Variants in SYNM observed in about 807,000 individuals in gnomAD.
SYNM encodes desmuslin.
SYNM carries 95 observed loss-of-function variants against 104.0 expected under a neutral mutation model. The ratio of observed to expected loss-of-function variants is 0.91; its 90% confidence interval spans 0.77 to 1.08. The LOEUF is 1.08. SYNM is among the 50% of genes least tolerant of loss of function. The probability of loss-of-function intolerance (pLI) is 0.00; values close to 1 mark genes in which losing one functional copy is unlikely to be tolerated. For missense variants in SYNM, 2,150 were observed against 2,052.2 expected (o/e 1.05, Z -0.92); for synonymous variants, 918 against 869.0 (o/e 1.06, Z -0.99).
chr15:99,138,413 A>T (rs1287793844), downstream of SYNM, among the ~76,000 whole-genome samples: 1 of 151,810 alleles, frequency 6.6e-6, no homozygotes, highest in Non-Finnish European at 1.5e-5. Flanking sequence ...TCCCAGGTTC[A>T]AGCAACTCTC....
In SYNM at chr15:99,135,387, A is replaced by C. The variant is rs146414140; in HGVS notation, c.*2329A>C. The C allele has an allele frequency of 1.3e-5, 2 of 152,672 alleles. No individual in the cohort carries two copies. Among genetic ancestry groups the C allele is most frequent in the Admixed American group, 1.3e-4 (2 of 15,290 alleles). 9.5% of individuals were successfully genotyped at this position (152,672 alleles called of 1,614,324 possible). On this transcript the variant is annotated 3_prime_UTR_variant, in exon 4 of 4. Coordinates refer to ENST00000336292, the MANE Select transcript of SYNM (RefSeq NM_145728.3). ...CGTGGTTGGATGGGGCCGGAACACAACCAGTCTTTTTGTATTTATTGTTAC... is the reference window on the plus strand; with the variant it reads ...CGTGGTTGGATGGGGCCGGAACACACCCAGTCTTTTTGTATTTATTGTTAC...
chr15:99,120,962 A>G (rs1291466643), intron 2 of SYNM, among the ~76,000 whole-genome samples: 1 of 152,124 alleles, frequency 6.6e-6, no homozygotes, highest in Non-Finnish European at 1.5e-5. Context: ...CCTAACAGGG[A>G]AAGCTATCCA....
At chr15:99,120,159 C>T (rs1488283644) in intron 2 of SYNM, among the ~76,000 whole-genome samples, 1 of 152,174 alleles carries the variant, frequency 6.6e-6, no homozygotes, top group Non-Finnish European at 1.5e-5. Flanking sequence ...AACTTCAGGC[C>T]TTCACCCAAG....
rs373241257 is a variant in SYNM at position 99,130,157 on chromosome 15, T to G, written c.1797T>G (p.Pro599=). ...AEVSPKGLQT[P]VKDAGGGTGR... Reference sequence around the variant, plus strand: ...TGTCCCCGAAAGGTTTGCAGACGCCTGTGAAGGATGCTGGTGGTGGGACCG... The same window carrying G: ...TGTCCCCGAAAGGTTTGCAGACGCCGGTGAAGGATGCTGGTGGTGGGACCG... The change falls in exon 4 of 4, where the codon CCT becomes CCG. Residue 599 remains proline, a synonymous_variant. Coordinates refer to ENST00000336292, the MANE Select transcript of SYNM (RefSeq NM_145728.3). 6.2e-7 allele frequency: 1 copy of G among 1,613,744 alleles called. No homozygotes were observed.
chr15:99,132,037 G>T lies in SYNM; in HGVS notation c.3677G>T (p.Arg1226Ile), dbSNP rs782690504. 2 of 1,613,994 alleles carry T rather than the reference G, an allele frequency of 1.2e-6. No individual in the cohort carries two copies. Among genetic ancestry groups the T allele is most frequent in the Non-Finnish European group, 1.7e-6 (2 of 1,179,900 alleles). ...GSGRHSTFGC[R>I]QFHAEKEIIF... ...GGGAGGCACAGCACATTTGGCTGCAGACAATTTCATGCTGAAAAGGAGATT... is the reference window on the plus strand; with the variant it reads ...GGGAGGCACAGCACATTTGGCTGCATACAATTTCATGCTGAAAAGGAGATT... The change falls in exon 4 of 4, where the codon AGA becomes ATA. Residue 1226 changes from arginine (R) to isoleucine (I), a missense_variant. By Grantham distance (97) the Arg-to-Ile change is moderately conservative (BLOSUM62 -3). Coordinates refer to ENST00000336292, the MANE Select transcript of SYNM (RefSeq NM_145728.3).
At position 99,132,521 on chromosome 15, in the gene SYNM, C is replaced by T. The variant is rs1189927390; in HGVS notation, c.4161C>T (p.Asp1387=). ...SESPQEDSAE[D]TSGAEMTSGV... ...CTCCCCAGGAGGATAGTGCAGAGGA[C>T]ACATCAGGGGCAGAAATGACATCGG... Residue 1387 remains aspartate, a synonymous_variant, in exon 4 of 4, where the codon GAC becomes GAT. Coordinates refer to ENST00000336292, the MANE Select transcript of SYNM (RefSeq NM_145728.3). The T allele has an allele frequency of 6.2e-7, 1 of 1,613,888 alleles. No individual in the cohort carries two copies. Among genetic ancestry groups the T allele is most frequent in the African/African-American group, 1.3e-5 (1 of 74,914 alleles).
Position 99,133,846 on chromosome 15 carries a change from G to GTTATAGCCTAAGTTCT in SYNM, c.*788_*789insTTATAGCCTAAGTTCT. The GTTATAGCCTAAGTTCT allele has an allele frequency of 6.6e-6, 1 of 152,634 alleles. No homozygotes were observed. Among genetic ancestry groups the GTTATAGCCTAAGTTCT allele is most frequent in the Non-Finnish European group, 1.5e-5 (1 of 68,184 alleles). The allele number at this position is 152,634 out of a possible 1,614,324, so 9.5% of individuals were successfully genotyped here. On this transcript the variant is annotated 3_prime_UTR_variant, in exon 4 of 4. Transcript: ENST00000336292. ...GCACACAGTCTGAATGCCCTTTTCTGGAGTGGCCAGTTCCTATCAGACTGT... is the reference window on the plus strand; with the variant it reads ...GCACACAGTCTGAATGCCCTTTTCTGTTATAGCCTAAGTTCTGAGTGGCCAGTTCCTATCAGACTGT...
intron 1 of SYNM, among the ~76,000 whole-genome samples, chr15:99,106,934 A>C (rs2067250914): frequency 6.6e-6 from 1 of 152,268 alleles, no homozygotes; most frequent in Non-Finnish European, 1.5e-5. Context: ...TGTGAGTTAA[A>C]GATTTGAGAC....
rs782067405 is a variant in SYNM at position 99,129,918 on chromosome 15, C to G, written c.1558C>G (p.Pro520Ala). 1.2e-6 allele frequency: 2 copies of G among 1,612,354 alleles called. No individual in the cohort carries two copies. The highest frequency in any genetic ancestry group is 1.1e-5 in the South Asian group (1 of 90,878). The stretch of plus-strand genomic sequence containing the variant: ...CAGACCAGAAACCATCCGAACAAAG[C>G]CAGAAGAGAAAATGTTCGATTCTAA... ...RNRPETIRTK[P>A]EEKMFDSKEK... The change falls in exon 4 of 4, where the codon CCA (proline) becomes GCA (alanine). Residue 520 changes from proline to alanine, a missense_variant. Pro to Ala is a conservative substitution (Grantham distance 27). Coordinates refer to ENST00000336292, the MANE Select transcript of SYNM (RefSeq NM_145728.3).
chr15:99,132,137 G>C lies in SYNM; in HGVS notation c.3777G>C (p.Gln1259His), dbSNP rs782494106. The change falls in exon 4 of 4, where the codon CAG (glutamine) becomes CAC (histidine). Residue 1259 changes from glutamine to histidine, a missense_variant. By Grantham distance (24) the Gln-to-His change is conservative. Transcript: ENST00000336292. The stretch of plus-strand genomic sequence containing the variant: ...CAACAGAAGAGTCAGTGGGTACCCA[G>C]ACTTCTGTCAGGCAACTCCAGTTAG... ...YFATEESVGTQTSVRQLQLGP... is the reference protein window; with the variant it reads ...YFATEESVGTHTSVRQLQLGP... The C allele has an allele frequency of 1.2e-6, 2 of 1,614,026 alleles. No homozygotes were observed. Among genetic ancestry groups the C allele is most frequent in the South Asian group, 2.2e-5 (2 of 91,078 alleles).
intron 2 of SYNM, among the ~76,000 whole-genome samples, chr15:99,121,581 A>G (rs1235805342): frequency 2.0e-5 from 3 of 152,202 alleles, no homozygotes; most frequent in Non-Finnish European, 4.4e-5. Flanking sequence ...AACCCTAGCA[A>G]TGTCCAGAAC....
At chr15:99,114,117 C>T (rs1021716057) in intron 2 of SYNM, among the ~76,000 whole-genome samples, 2 of 152,098 alleles carry the variant, frequency 1.3e-5, no homozygotes, top group South Asian at 2.1e-4. Context: ...GTTTTCACAC[C>T]GCTATAAAGA....
chr15:99,130,679 C>T lies in SYNM; in HGVS notation c.2319C>T (p.Val773=), dbSNP rs112125623. 1.9e-4 allele frequency: 299 copies of T among 1,613,606 alleles called. No homozygotes were observed. The highest frequency in any genetic ancestry group is 9.9e-4 in the Middle Eastern group (6 of 6,060). The stretch of plus-strand genomic sequence containing the variant: ...CCGTCCCATTCAAAGTGGAGGAGGT[C>T]GAAGATGTGTCGCCAGGCCCCTGGG... The part of the protein sequence containing the change: ...EFSVPFKVEE[V]EDVSPGPWGL... The change falls in exon 4 of 4, where the codon GTC becomes GTT. Residue 773 remains valine (V), a synonymous_variant. Transcript: ENST00000336292.
intron 2 of SYNM, among the ~76,000 whole-genome samples, chr15:99,124,101 C>T (rs147128448): frequency 3.0e-4 from 46 of 152,324 alleles, no homozygotes; most frequent in African/African-American, 1.1e-3. Context: ...CACAATAGCC[C>T]ATGACTCAGG....
chr15:99,108,380 C>G (rs1267634921), intron 1 of SYNM, among the ~76,000 whole-genome samples: 1 of 152,116 alleles, frequency 6.6e-6, no homozygotes, highest in African/African-American at 2.4e-5. Flanking sequence ...TAAGTCAACT[C>G]CATTTCAAAT....
intron 2 of SYNM, among the ~76,000 whole-genome samples, chr15:99,116,397 C>G (rs2067348745): frequency 6.8e-6 from 1 of 146,810 alleles, no homozygotes; most frequent in Non-Finnish European, 1.5e-5. Context: ...TCTCCTCAGA[C>G]TGCCCCAAGT....
At chr15:99,111,492 G>T (rs2067299311) in intron 1 of SYNM, among the ~76,000 whole-genome samples, 1 of 152,200 alleles carries the variant, frequency 6.6e-6, no homozygotes, top group Non-Finnish European at 1.5e-5. Context: ...TGGCAGTGCT[G>T]TCACTTACAT....
chr15:99,130,647 G>T lies in SYNM; in HGVS notation c.2287G>T (p.Glu763Ter). Residue 763 changes from glutamate to a stop codon, truncating the protein, a stop_gained, in exon 4 of 4, where the codon GAG (glutamate) becomes TAG (stop). Transcript: ENST00000336292. LOFTEE classifies it high-confidence loss of function. The stretch of plus-strand genomic sequence containing the variant: ...TTATGTCAGCGGGGAGAAGCCGGAG[G>T]AGTTTTCCGTCCCATTCAAAGTGGA... Reference protein sequence around the residue: ...VSYVSGEKPEEFSVPFKVEEV... With the variant: ...VSYVSGEKPE 6.2e-7 allele frequency: 1 copy of T among 1,613,756 alleles called. No homozygotes were observed. Among genetic ancestry groups the T allele is most frequent in the Non-Finnish European group, 8.5e-7 (1 of 1,179,764 alleles).
In SYNM at chr15:99,131,315, T is replaced by C. The variant is rs1555485833; in HGVS notation, c.2955T>C (p.Asp985=). Residue 985 remains aspartate, a synonymous_variant, in exon 4 of 4, where the codon GAT becomes GAC. Coordinates refer to ENST00000336292, the MANE Select transcript of SYNM (RefSeq NM_145728.3). This position sits in a 1 kb window ranked among gnomAD's most constrained non-coding sequence, Gnocchi z 4.3. Reference sequence around the variant, plus strand: ...GTGGGCCGGGGAGCGTTTCCGTGGATGTCAAGAAGGTCCAGGGTGCTGGTG... The same window carrying C: ...GTGGGCCGGGGAGCGTTTCCGTGGACGTCAAGAAGGTCCAGGGTGCTGGTG... ...GQGGPGSVSV[D]VKKVQGAGGS... 3 of 1,612,844 alleles carry C rather than the reference T, an allele frequency of 1.9e-6. No homozygotes were observed. In the Admixed American group the frequency reaches 5.0e-5, roughly 27 times the overall value.
Sources: allele counts gnomAD v4.1 joint callset (sites outside exome capture counted in the v4.1 genomes callset), GRCh38; gene constraint gnomAD v4.1.1; non-coding constraint Gnocchi (gnomAD v3.1); transcripts MANE v1.5; gene names NCBI Gene and HGNC (gene_info 2026-07-23, HGNC 2026-07-21).